Variants in SELENOO observed in about 807,000 individuals in gnomAD.
The protein encoded by SELENOO is protein adenylyltransferase SelO, mitochondrial.
A neutral mutation model predicts 58.7 loss-of-function variants in SELENOO; 74 were observed. The observed-to-expected ratio is 1.26, with a 90% CI of 1.04 to 1.53. SELENOO has a LOEUF of 1.53. SELENOO is among the 40% of genes most tolerant of loss of function. The pLI is 0.00. For synonymous variants in SELENOO, 543 were observed against 453.2 expected (o/e 1.20, Z -2.52); for missense variants, 1,149 against 970.0 (o/e 1.18, Z -2.45).
chr22:50,213,952 A>G (rs756624328), intron 5 of SELENOO, among the ~76,000 whole-genome samples: 2 of 152,112 alleles, frequency 1.3e-5, no homozygotes, highest in Non-Finnish European at 2.9e-5. Context: ...CCAACCCTAG[A>G]TGGTCTATCC....
intron 1 of SELENOO, chr22:50,205,949 C>G (rs1377200283): frequency 3.7e-6 from 1 of 272,460 alleles, no homozygotes; most frequent in East Asian, 1.0e-4. Context: ...GGGCACCCAT[C>G]CTGGTGCAAA....
At chr22:50,216,059 G>A (rs2147167758) in intron 6 of SELENOO, among the ~76,000 whole-genome samples, 192 bp downstream of exon 6, 1 of 152,292 alleles carries the variant, frequency 6.6e-6, no homozygotes, top group East Asian at 1.9e-4. Context: ...AGAGTAGAGA[G>A]TGGCGAGGCT....
intron 5 of SELENOO, among the ~76,000 whole-genome samples, chr22:50,215,233 A>G (rs1312652705): frequency 6.6e-6 from 1 of 152,162 alleles, no homozygotes; most frequent in Non-Finnish European, 1.5e-5. Flanking sequence ...CAAAGCAGGC[A>G]GTTGTGACTG....
At chr22:50,203,779 T>C (rs973820789) in intron 1 of SELENOO, among the ~76,000 whole-genome samples, 1 of 152,172 alleles carries the variant, frequency 6.6e-6, no homozygotes, top group Non-Finnish European at 1.5e-5. Context: ...CCTCATGACA[T>C]TGGATTTGGC....
rs1345163821 is a variant in SELENOO at position 50,217,362 on chromosome 22, C to T, written c.2003C>T (p.Ser668Phe). 1.9e-6 allele frequency: 3 copies of T among 1,612,596 alleles called. No homozygotes were observed. Among genetic ancestry groups the T allele is most frequent in the Non-Finnish European group, 2.5e-6 (3 of 1,179,912 alleles). Residue 668 changes from serine (S) to phenylalanine (F), a missense_variant, in exon 9 of 9, where the codon TCT (serine) becomes TTT (phenylalanine). Transcript: ENST00000380903. ...LWAAELCVTUSS is the reference protein window; with the variant it reads ...LWAAELCVTUFS The stretch of plus-strand genomic sequence containing the variant: ...GCAGCAGAACTGTGCGTGACATGAT[C>T]TTCGTAACGGCCTCGGCACGCTCCA...
chr22:50,204,402 G>A (rs1005396132), intron 1 of SELENOO, among the ~76,000 whole-genome samples: 7 of 152,126 alleles, frequency 4.6e-5, no homozygotes, highest in Admixed American at 1.3e-4. Flanking sequence ...TGAGGTGGGC[G>A]GATCATTTGA....
chr22:50,216,640 G>A, intron 6 of SELENOO, 51 bp from the exon 7 acceptor site: 2 of 1,502,952 alleles, frequency 1.3e-6, no homozygotes, highest in Non-Finnish European at 1.8e-6. Context: ...CTGCCTGCAG[G>A]GCAGGGACAC....
Position 50,210,184 on chromosome 22 carries a change from ACGCGGCG to A in SELENOO, c.945_951del (p.Thr318GlyfsTer21), listed in dbSNP as rs777662307. ...CAAGCACACTGTCCCACCCCAGGTG[ACGCGGCG>A]CACGGCGCGGATGGTGGCCGAGTGG... On this transcript the variant is annotated frameshift_variant, in exon 4 of 9. Transcript: ENST00000380903. LOFTEE classifies it high-confidence loss of function. The A allele has an allele frequency of 2.5e-6, 4 of 1,612,902 alleles. No homozygotes were observed. The South Asian group carries it at 4.4e-5, about 18-fold the overall frequency.
intron 1 of SELENOO, among the ~76,000 whole-genome samples, chr22:50,202,615 T>C (rs2147156567): frequency 6.6e-6 from 1 of 152,338 alleles, no homozygotes; most frequent in Admixed American, 6.5e-5. Context: ...TCTTAAACTT[T>C]ATGTTTTCAT....
At chr22:50,213,870 G>C (rs1047414244) in intron 5 of SELENOO, among the ~76,000 whole-genome samples, 11 of 151,862 alleles carry the variant, frequency 7.2e-5, no homozygotes, top group Non-Finnish European at 8.8e-5. Flanking sequence ...GGATGGTCTT[G>C]ATCGCCTGAC....
intron 5 of SELENOO, among the ~76,000 whole-genome samples, 172 bp downstream of exon 5, chr22:50,211,083 G>C (rs974681193): frequency 2.7e-4 from 41 of 152,208 alleles, no homozygotes; most frequent in African/African-American, 9.9e-4. Flanking sequence ...TCTAGGACCT[G>C]CTGCGAGTGG....
chr22:50,201,162 T>C lies in SELENOO; in HGVS notation c.126T>C (p.Pro42=). 8.0e-7 allele frequency: 1 copy of C among 1,253,986 alleles called. No homozygotes were observed. The highest frequency in any genetic ancestry group is 2.8e-5 in the South Asian group (1 of 35,674). The allele number at this position is 1,253,986 out of a possible 1,614,324, so 77.7% of individuals were successfully genotyped here. ...TLSGAAMEPA[P]RWLAGLRFDN... is the part of the protein sequence containing the mutation. ...CGGGCGCCGCCATGGAGCCCGCGCC[T>C]CGCTGGCTGGCGGGGCTGCGCTTCG... The change falls in exon 1 of 9, where the codon CCT becomes CCC. Residue 42 remains proline, a synonymous_variant. Transcript: ENST00000380903.
At chr22:50,205,176 G>A (rs1489147269) in intron 1 of SELENOO, among the ~76,000 whole-genome samples, 2 of 152,280 alleles carry the variant, frequency 1.3e-5, no homozygotes, top group African/African-American at 4.8e-5. Context: ...TCGGGAGCCA[G>A]TGTTCGATGG....
In SELENOO at chr22:50,210,678, A is replaced by T. The variant is rs377359118; in HGVS notation, c.1118A>T (p.Tyr373Phe). Residue 373 changes from tyrosine to phenylalanine, a missense_variant, in exon 5 of 9, where the codon TAC becomes TTC. Physicochemically the swap from Tyr to Phe is conservative, Grantham distance 22. Transcript: ENST00000380903. ...VCNASDNTGR[Y>F]AYSKQPEVCR... ...AATGCCTCCGACAACACCGGCCGCT[A>T]CGCGTACAGCAAGCAGCCCGAGGTG... 1.3e-5 allele frequency: 21 copies of T among 1,613,220 alleles called. No individual in the cohort carries two copies. The highest frequency in any genetic ancestry group is 1.7e-5 in the Non-Finnish European group (20 of 1,179,964).
chr22:50,215,916 CA>C (rs750228523), intron 6 of SELENOO, 49 bp downstream of exon 6: 7 of 1,521,280 alleles, frequency 4.6e-6, no homozygotes, highest in Non-Finnish European at 6.3e-6. Context: ...GAAAAGGAAG[CA>C]TAATCAGAAA....
At chr22:50,206,291 G>A (rs374299103) in intron 1 of SELENOO, 26 bp from the exon 2 acceptor site, 79 of 1,608,484 alleles carry the variant, frequency 4.9e-5, no homozygotes, top group African/African-American at 3.7e-4. Flanking sequence ...ACCGGCCCAC[G>A]TAGTGAACTC....
chr22:50,213,760 G>A (rs1213016402), intron 5 of SELENOO, among the ~76,000 whole-genome samples: 1 of 152,060 alleles, frequency 6.6e-6, no homozygotes, highest in African/African-American at 2.4e-5. Context: ...GCATTTTCCT[G>A]CCTCAGCCTC....
intron 1 of SELENOO, among the ~76,000 whole-genome samples, chr22:50,201,891 C>T (rs1441900484): frequency 3.3e-5 from 5 of 152,248 alleles, no homozygotes; most frequent in African/African-American, 7.2e-5. Context: ...CGCAGGTCCC[C>T]AGCCTTCCTC....
In SELENOO at chr22:50,216,884, C is replaced by T; in HGVS notation, c.1688+8C>T. 1.2e-6 allele frequency: 2 copies of T among 1,605,934 alleles called. No homozygotes were observed. Among genetic ancestry groups the T allele is most frequent in the Non-Finnish European group, 1.7e-6 (2 of 1,178,754 alleles). On this transcript the variant is annotated splice_region_variant and intron_variant, in intron 7 of 8. Transcript: ENST00000380903. Reference sequence around the variant, plus strand: ...CTGGCTACAGGCGTACAGGTGAGCCCTGCGTCCATGGTCACCGGGGGACGG... The same window carrying T: ...CTGGCTACAGGCGTACAGGTGAGCCTTGCGTCCATGGTCACCGGGGGACGG...
Sources: allele counts gnomAD v4.1 joint callset (sites outside exome capture counted in the v4.1 genomes callset), GRCh38; gene constraint gnomAD v4.1.1; transcripts MANE v1.5; gene names NCBI Gene and HGNC (gene_info 2026-07-23, HGNC 2026-07-21).